Variants in NPAS3 observed in about 807,000 individuals in gnomAD.
The protein encoded by NPAS3 is neuronal PAS domain-containing protein 3.
A neutral mutation model predicts 73.1 loss-of-function variants in NPAS3; 14 were observed. The ratio of observed to expected loss-of-function variants is 0.19; its 90% confidence interval spans 0.13 to 0.30. The LOEUF is 0.30. Ranked by LOEUF, NPAS3 falls within the 10% of genes least tolerant of loss-of-function variation. The probability of loss-of-function intolerance (pLI) is 1.00; values close to 1 mark genes in which losing one functional copy is unlikely to be tolerated. For missense variants in NPAS3, 1,096 were observed against 1,250.0 expected, an observed-to-expected ratio of 0.88 and a Z score of 1.86; for synonymous variants, 620 against 541.5, an observed-to-expected ratio of 1.14 and a Z score of -2.01.
intron 6 of NPAS3, among the ~76,000 whole-genome samples, chr14:33,683,427 CAAAA>C (rs1176606241): frequency 5.2e-4 from 40 of 77,522 alleles, no homozygotes; most frequent in African/African-American, 1.1e-3. Flanking sequence ...TTCCTCATTT[CAAAA>C]AAAAAAAAAA....
intron 5 of NPAS3, among the ~76,000 whole-genome samples, chr14:33,586,500 T>C (rs2056866521): frequency 6.6e-6 from 1 of 152,166 alleles, no homozygotes; most frequent in Non-Finnish European, 1.5e-5. Context: ...AATATAATTA[T>C]ACATAATAGT....
chr14:33,677,158 G>T (rs1050872193), intron 6 of NPAS3, among the ~76,000 whole-genome samples: 4 of 152,128 alleles, frequency 2.6e-5, no homozygotes, highest in Non-Finnish European at 5.9e-5. Context: ...GGTCGGCCTG[G>T]GTCTTCCGAG....
At chr14:33,134,627 A>G (rs1297876732) in intron 2 of NPAS3, among the ~76,000 whole-genome samples, 1 of 152,116 alleles carries the variant, frequency 6.6e-6, no homozygotes, top group African/African-American at 2.4e-5. Context: ...TTGGTTTTCC[A>G]TCAGCATAGG....
intron 4 of NPAS3, among the ~76,000 whole-genome samples, chr14:33,558,322 G>A (rs372593952): frequency 2.0e-5 from 3 of 151,886 alleles, no homozygotes; most frequent in Non-Finnish European, 2.9e-5. Flanking sequence ...GTACAGTGGC[G>A]TGATCTTGGC....
At chr14:33,662,261 T>C (rs922912258) in intron 5 of NPAS3, among the ~76,000 whole-genome samples, 1 of 152,180 alleles carries the variant, frequency 6.6e-6, no homozygotes, top group Non-Finnish European at 1.5e-5. Flanking sequence ...GGTTGCCCAG[T>C]TAAAAGGGCA....
At chr14:33,124,681 A>G (rs2043360719) in intron 2 of NPAS3, among the ~76,000 whole-genome samples, 1 of 152,178 alleles carries the variant, frequency 6.6e-6, no homozygotes, top group Non-Finnish European at 1.5e-5. Flanking sequence ...TGTTGGGAGA[A>G]AACCTTAACT....
At chr14:33,635,115 A>G (rs2058479455) in intron 5 of NPAS3, among the ~76,000 whole-genome samples, 1 of 152,204 alleles carries the variant, frequency 6.6e-6, no homozygotes, top group Admixed American at 6.5e-5. Flanking sequence ...ATATGGACAG[A>G]GAAGAAAGGA....
At chr14:32,999,107 G>C (rs141165129) in intron 1 of NPAS3, among the ~76,000 whole-genome samples, 1 of 152,082 alleles carries the variant, frequency 6.6e-6, no homozygotes, top group Admixed American at 6.5e-5. Flanking sequence ...AGCAATTTTT[G>C]CTTCTTTAAT....
intron 4 of NPAS3, among the ~76,000 whole-genome samples, chr14:33,480,527 C>T (rs2051267127): frequency 1.6e-5 from 2 of 128,240 alleles, no homozygotes; most frequent in African/African-American, 5.6e-5. Context: ...CCCACTCTCC[C>T]CCTCCCCGCC....
intron 2 of NPAS3, among the ~76,000 whole-genome samples, chr14:33,178,495 A>T (rs1240080545): frequency 6.6e-6 from 1 of 152,168 alleles, no homozygotes; most frequent in African/African-American, 2.4e-5. Context: ...AGGAATTTGA[A>T]TTTGACTTCT....
intron 3 of NPAS3, among the ~76,000 whole-genome samples, chr14:33,307,950 G>A (rs1231249596): frequency 6.6e-6 from 1 of 152,054 alleles, no homozygotes; most frequent in East Asian, 1.9e-4. Flanking sequence ...CTCATGTAGC[G>A]CCACATCCTC....
At chr14:32,972,015 T>C (rs2037451924) in intron 1 of NPAS3, among the ~76,000 whole-genome samples, 1 of 144,966 alleles carries the variant, frequency 6.9e-6, no homozygotes, top group Non-Finnish European at 1.5e-5. Flanking sequence ...CTTGGCTCAC[T>C]GCAAGCTCCA....
intron 3 of NPAS3, among the ~76,000 whole-genome samples, chr14:33,300,793 A>G (rs61013145): frequency 0.029 from 4,389 of 152,148 alleles, 166 homozygotes; most frequent in African/African-American, 0.092. Flanking sequence ...CATGGCTACT[A>G]GACATCTGTT....
intron 2 of NPAS3, among the ~76,000 whole-genome samples, chr14:33,151,151 A>G (rs1403545590): frequency 1.3e-5 from 2 of 152,244 alleles, no homozygotes; most frequent in Non-Finnish European, 2.9e-5. Context: ...ATTCAGAGGC[A>G]TAACCGGCCT....
chr14:33,239,463 T>C (rs1334498870), intron 3 of NPAS3, among the ~76,000 whole-genome samples: 1 of 151,864 alleles, frequency 6.6e-6, no homozygotes, highest in Admixed American at 6.6e-5. Flanking sequence ...TTATTCAAAA[T>C]TCATTGTCAT....
At chr14:33,178,947 A>G (rs995642286) in intron 2 of NPAS3, among the ~76,000 whole-genome samples, 5 of 152,086 alleles carry the variant, frequency 3.3e-5, no homozygotes, top group Non-Finnish European at 7.4e-5. Context: ...CTAGCTGCAC[A>G]TTTTTTGCAA....
chr14:33,330,933 C>T (rs1290238135), intron 3 of NPAS3, among the ~76,000 whole-genome samples: 1 of 152,068 alleles, frequency 6.6e-6, no homozygotes, highest in Non-Finnish European at 1.5e-5. Context: ...GGAATGCATT[C>T]TAATGAAGGC....
At chr14:33,496,666 C>G (rs959996493) in intron 4 of NPAS3, among the ~76,000 whole-genome samples, 1 of 152,158 alleles carries the variant, frequency 6.6e-6, no homozygotes, top group Non-Finnish European at 1.5e-5. Context: ...ATGCTAAAAA[C>G]TCTCAATAAA....
intron 2 of NPAS3, among the ~76,000 whole-genome samples, chr14:33,158,100 T>G (rs1392578258): frequency 6.6e-6 from 1 of 152,226 alleles, no homozygotes; most frequent in East Asian, 1.9e-4. Flanking sequence ...CATTTATTTT[T>G]GGGAAGGAAT....
Sources: gnomAD v4.1 joint callset for allele counts (sites outside exome capture counted in the v4.1 genomes callset) on GRCh38, gnomAD v4.1.1 for gene constraint, MANE v1.5 for transcripts, NCBI Gene and HGNC (gene_info 2026-07-23, HGNC 2026-07-21) for gene names.